Variants in KCNMA1 observed in about 807,000 individuals in gnomAD.
The protein encoded by KCNMA1 is Calcium-activated potassium channel subunit alpha-1.
KCNMA1 carries 29 observed loss-of-function variants against 140.0 expected under a neutral mutation model. The observed-to-expected ratio is 0.21, with a 90% CI of 0.15 to 0.28. The LOEUF (loss-of-function observed/expected upper bound fraction) is 0.28. KCNMA1 is among the 10% of genes least tolerant of loss of function. The probability of loss-of-function intolerance (pLI) is 1.00; values close to 1 mark genes in which losing one functional copy is unlikely to be tolerated. For missense variants in KCNMA1, 880 were observed against 1,602.2 expected (o/e 0.55, Z 7.70); for synonymous variants, 612 against 611.9 (o/e 1.00, Z 0.00).
chr10:77,288,813 C>T (rs1028448537), intron 2 of KCNMA1, among the ~76,000 whole-genome samples: 1 of 152,190 alleles, frequency 6.6e-6, no homozygotes, highest in Non-Finnish European at 1.5e-5. Context: ...TACTGATACT[C>T]GCATTTTAAC....
intron 1 of KCNMA1, among the ~76,000 whole-genome samples, chr10:77,602,408 G>A (rs550920512): frequency 2.0e-5 from 3 of 152,244 alleles, no homozygotes; most frequent in South Asian, 2.1e-4. Context: ...GGAAGGAGGG[G>A]TGTGGGGAGT....
At chr10:77,335,194 G>A (rs967811155) in intron 2 of KCNMA1, among the ~76,000 whole-genome samples, 1 of 152,120 alleles carries the variant, frequency 6.6e-6, no homozygotes, top group Non-Finnish European at 1.5e-5. Flanking sequence ...AGCACAAGCG[G>A]TATAGTTGCA....
intron 3 of KCNMA1, among the ~76,000 whole-genome samples, chr10:77,212,849 T>G (rs1368546703): frequency 6.6e-6 from 1 of 152,178 alleles, no homozygotes; most frequent in East Asian, 1.9e-4. Flanking sequence ...AGAAAAAAAA[T>G]GACAGGAAAC....
intron 2 of KCNMA1, among the ~76,000 whole-genome samples, chr10:77,344,544 T>C (rs4980139): frequency 0.1 from 15,861 of 152,110 alleles, 1,199 homozygotes; most frequent in Admixed American, 0.17. Context: ...TGGTGGCTCA[T>C]CCTGCTTGCC....
chr10:77,200,753 A>G (rs896439925), intron 3 of KCNMA1, among the ~76,000 whole-genome samples: 2 of 152,234 alleles, frequency 1.3e-5, no homozygotes, highest in African/African-American at 4.8e-5. Flanking sequence ...TACCTCAAAT[A>G]GGGGTACCTG....
At position 76,953,861 on chromosome 10, in the gene KCNMA1, C is replaced by T; in HGVS notation, c.2424G>A (p.Lys808=). 1.2e-6 allele frequency: 2 copies of T among 1,614,072 alleles called. No homozygotes were observed. The highest frequency in any genetic ancestry group is 1.1e-5 in the South Asian group (1 of 91,088). Residue 808 remains lysine (K), a synonymous_variant, in exon 21 of 28, where the codon AAG becomes AAA. Coordinates refer to ENST00000286628, the MANE Select transcript of KCNMA1 (RefSeq NM_001161352.2). The stretch of plus-strand genomic sequence containing the variant: ...AGTGAAACATCCCAGTAGAGTCGTA[C>T]TTCTTCACATTGGAGTCCATGTTGT... ...QIDNMDSNVK[K]YDSTGMFHWC...
chr10:77,142,503 A>G (rs1467082059), intron 5 of KCNMA1, among the ~76,000 whole-genome samples: 6 of 152,220 alleles, frequency 3.9e-5, no homozygotes, highest in African/African-American at 1.4e-4. Context: ...GGAAAATGTG[A>G]CATACATACG....
intron 3 of KCNMA1, among the ~76,000 whole-genome samples, chr10:77,197,643 C>T (rs1275094542): frequency 6.6e-6 from 1 of 152,184 alleles, no homozygotes; most frequent in African/African-American, 2.4e-5. Context: ...GTCCAGTGCT[C>T]ACCACGTTCA....
At chr10:77,580,147 C>T (rs1365186020) in intron 1 of KCNMA1, among the ~76,000 whole-genome samples, 8 of 151,968 alleles carry the variant, frequency 5.3e-5, no homozygotes, top group African/African-American at 1.9e-4. Flanking sequence ...TTTGGGAGGC[C>T]GAGGCGGGCA....
rs112408409 is a variant in KCNMA1, at chr10:76,944,983, G to GAA, written c.2710-20_2710-19dup. 1 of 1,554,906 alleles carries GAA rather than the reference G, an allele frequency of 6.4e-7. No homozygotes were observed. Among genetic ancestry groups the GAA allele is most frequent in the Non-Finnish European group, 8.8e-7 (1 of 1,137,334 alleles). On this transcript the variant is annotated intron_variant, in intron 22 of 27. Coordinates refer to ENST00000286628, the MANE Select transcript of KCNMA1 (RefSeq NM_001161352.2). ...GGCGTACCCTTTGGCATAGAGGAAAGAAAAAAAAACAGAGATGGGGGGAGA... is the reference window on the plus strand; with the variant it reads ...GGCGTACCCTTTGGCATAGAGGAAAGAAAAAAAAAAACAGAGATGGGGGGAGA...
At chr10:77,105,504 T>A (rs2097182957) in intron 9 of KCNMA1, among the ~76,000 whole-genome samples, 1 of 152,222 alleles carries the variant, frequency 6.6e-6, no homozygotes, top group Non-Finnish European at 1.5e-5. Flanking sequence ...TAATATATTG[T>A]TAGAGAAATC....
At chr10:77,590,543 C>T (rs1439699522) in intron 1 of KCNMA1, among the ~76,000 whole-genome samples, 1 of 152,254 alleles carries the variant, frequency 6.6e-6, no homozygotes, top group African/African-American at 2.4e-5. Context: ...GCACCGCTGG[C>T]AGCCCCTGTT....
At chr10:77,218,501 T>A (rs1317152390) in intron 3 of KCNMA1, among the ~76,000 whole-genome samples, 1 of 152,082 alleles carries the variant, frequency 6.6e-6, no homozygotes, top group East Asian at 1.9e-4. Flanking sequence ...AAGCCTTGCA[T>A]CCAGCCTGGC....
At chr10:77,624,142 C>T (rs1265078972) in intron 1 of KCNMA1, among the ~76,000 whole-genome samples, 1 of 152,144 alleles carries the variant, frequency 6.6e-6, no homozygotes, top group East Asian at 1.9e-4. Flanking sequence ...CTGAGATGAA[C>T]GTTCTATCTC....
intron 5 of KCNMA1, among the ~76,000 whole-genome samples, chr10:77,144,350 C>A (rs537672963): frequency 4.6e-5 from 7 of 152,028 alleles, no homozygotes; most frequent in South Asian, 2.1e-4. Context: ...TCCATTCATA[C>A]AAAAATTGAG....
In KCNMA1 at chr10:77,233,984, C is replaced by CT. The variant is rs907786014; in HGVS notation, c.602+17210dup. ...AGAACAGTATTAATGACACTTGTAA[C>CT]TTTTTTTAGCAACAGAAATCTCAGA... On this transcript the variant is annotated intron_variant, in intron 3 of 27. Transcript: ENST00000286628. 1.1e-4 allele frequency among the ~76,000 whole-genome samples: 16 copies of CT among 152,142 alleles called. No individual in the cohort carries two copies. The South Asian group carries it at 1.5e-3, about 14-fold the overall frequency.
intron 29 of KCNMA1, chr10:76,878,032 A>T: frequency 6.2e-6 from 5 of 800,504 alleles, no homozygotes; most frequent in Non-Finnish European, 1.0e-5. Context: ...GCTAAGAGAG[A>T]CAGTGCAGTG....
chr10:77,511,724 C>T (rs1459938981), intron 1 of KCNMA1, among the ~76,000 whole-genome samples: 2 of 152,224 alleles, frequency 1.3e-5, no homozygotes, highest in Non-Finnish European at 2.9e-5. Context: ...CATCTGCGTA[C>T]TGTCAGCTGA....
chr10:77,074,088 G>A (rs2153713381), intron 13 of KCNMA1, among the ~76,000 whole-genome samples: 1 of 152,240 alleles, frequency 6.6e-6, no homozygotes, highest in South Asian at 2.1e-4. Context: ...AGATTTACAA[G>A]GCTTTCATGT....
Sources: allele counts gnomAD v4.1 joint callset (sites outside exome capture counted in the v4.1 genomes callset), GRCh38; gene constraint gnomAD v4.1.1; transcripts MANE v1.5; gene names NCBI Gene and HGNC (gene_info 2026-07-23, HGNC 2026-07-21).